The following GALNT13 variants were observed in gnomAD, a reference collection of about 807,000 sequenced individuals.
GALNT13 encodes UDP-GalNAc:polypeptide N-acetylgalactosaminyltransferase 13.
A neutral mutation model predicts 64.2 loss-of-function variants in GALNT13; 28 were observed. That is an observed-to-expected ratio of 0.44 (90% confidence interval 0.32 to 0.60). The LOEUF (loss-of-function observed/expected upper bound fraction) is 0.60, where lower values mean the gene tolerates loss of function less well. GALNT13 is among the 20% of genes least tolerant of loss of function. The probability of loss-of-function intolerance (pLI) is 0.05; values close to 1 mark genes in which losing one functional copy is unlikely to be tolerated. For synonymous variants in GALNT13, 214 were observed against 224.6 expected (o/e 0.95, Z 0.42); for missense variants, 577 against 669.8 (o/e 0.86, Z 1.53).
chr2:153,650,781 T>C, the GALNT13 span, among the ~76,000 whole-genome samples: 1 of 152,090 alleles, frequency 6.6e-6, no homozygotes, highest in African/African-American at 2.4e-5. Flanking sequence ...GTTTGGAGTG[T>C]CCCTCCAGCA....
chr2:153,419,283 A>G, the GALNT13 span, among the ~76,000 whole-genome samples: 2 of 152,306 alleles, frequency 1.3e-5, no homozygotes, highest in South Asian at 4.1e-4. Flanking sequence ...ATGAGAACAG[A>G]TGAGGGAAAC....
chr2:153,960,576 T>C (rs1192271037), intron 3 of GALNT13, among the ~76,000 whole-genome samples: 1 of 152,080 alleles, frequency 6.6e-6, no homozygotes, highest in Non-Finnish European at 1.5e-5. Flanking sequence ...GAAGGGGTGG[T>C]TTATTCAGGG....
the GALNT13 span, among the ~76,000 whole-genome samples, chr2:153,381,169 A>T: frequency 6.6e-6 from 1 of 151,716 alleles, no homozygotes; most frequent in Non-Finnish European, 1.5e-5. Flanking sequence ...CTGGTGTCAA[A>T]CTCCTGGGCT....
intron 8 of GALNT13, among the ~76,000 whole-genome samples, chr2:154,264,466 C>CAAAAAAAAAA (rs3078698): frequency 8.1e-6 from 1 of 123,478 alleles, no homozygotes; most frequent in African/African-American, 3.1e-5. Flanking sequence ...ACTAAAAATA[C>CAAAAAAAAAA]AAAAAAAAAA....
At chr2:153,108,426 T>C in the GALNT13 span, among the ~76,000 whole-genome samples, 1 of 152,092 alleles carries the variant, frequency 6.6e-6, no homozygotes, top group African/African-American at 2.4e-5. Context: ...TCTTTCTACC[T>C]CAAACATTAC....
At chr2:153,145,627 A>G in the GALNT13 span, among the ~76,000 whole-genome samples, 1 of 151,896 alleles carries the variant, frequency 6.6e-6, no homozygotes, top group Admixed American at 6.6e-5. Flanking sequence ...CACCTGGCAG[A>G]GATGGATTAG....
Position 154,450,704 on chromosome 2 carries a change from T to A in GALNT13, c.*153T>A. On this transcript the variant is annotated 3_prime_UTR_variant, in exon 13 of 13. Coordinates refer to ENST00000392825, the MANE Select transcript of GALNT13 (RefSeq NM_052917.4). ...TTTCTAATTCGTTTCTAGAAATGTT[T>A]GCTTATTTCCCTACTAAAATTTGTA... 5.8e-6 allele frequency: 4 copies of A among 691,746 alleles called. No homozygotes were observed. In the South Asian group the frequency reaches 1.0e-4, roughly 18 times the overall value. The allele number at this position is 691,746 out of a possible 1,614,324, so 42.9% of individuals were successfully genotyped here. A position where few individuals can be genotyped will look rare whatever the true frequency, so the allele number is the denominator to read the frequency against.
At chr2:153,122,918 TAC>T in the GALNT13 span, among the ~76,000 whole-genome samples, 1 of 152,076 alleles carries the variant, frequency 6.6e-6, no homozygotes, top group Non-Finnish European at 1.5e-5. Flanking sequence ...AATAAGGTTA[TAC>T]TAGATTAGAG....
Position 154,242,722 on chromosome 2 carries a change from A to G in GALNT13, c.503A>G (p.Asn168Ser). The G allele has an allele frequency of 6.2e-7, 1 of 1,612,540 alleles. No individual in the cohort carries two copies. Among genetic ancestry groups the G allele is most frequent in the South Asian group, 1.1e-5 (1 of 91,048 alleles). The change falls in exon 6 of 13, where the codon AAT becomes AGT. Residue 168 changes from asparagine (N) to serine (S), a missense_variant. Coordinates refer to ENST00000392825, the MANE Select transcript of GALNT13 (RefSeq NM_052917.4). Reference protein sequence around the residue: ...ERDFLKLTLENYVKNLEVPVK... With the variant: ...ERDFLKLTLESYVKNLEVPVK... ...GATTTTCTCAAGTTGACATTAGAGA[A>G]TTACGTGAAAAATTTAGAAGTGCCA...
the GALNT13 span, among the ~76,000 whole-genome samples, chr2:153,684,307 G>C: frequency 5.7e-4 from 86 of 151,478 alleles, no homozygotes; most frequent in African/African-American, 2.0e-3. Flanking sequence ...AGTTTTCTGG[G>C]TTACTGTGTC....
intron 9 of GALNT13, among the ~76,000 whole-genome samples, chr2:154,370,963 T>C (rs538972150): frequency 6.6e-6 from 1 of 152,014 alleles, no homozygotes; most frequent in South Asian, 2.1e-4. Context: ...AAGATGGCTA[T>C]AAAGTTAGAA....
At chr2:153,469,931 T>C in the GALNT13 span, among the ~76,000 whole-genome samples, 1 of 152,050 alleles carries the variant, frequency 6.6e-6, no homozygotes, top group African/African-American at 2.4e-5. Flanking sequence ...GTGGTGGCAA[T>C]ACCTGCCCCA....
chr2:154,166,342 T>G (rs927077272), intron 4 of GALNT13, among the ~76,000 whole-genome samples: 11 of 152,068 alleles, frequency 7.2e-5, no homozygotes, highest in Non-Finnish European at 1.2e-4. Flanking sequence ...GAGGCAGAGG[T>G]TGCAATGAGC....
At chr2:153,842,861 A>C in the GALNT13 span, among the ~76,000 whole-genome samples, 1 of 152,200 alleles carries the variant, frequency 6.6e-6, no homozygotes, top group Non-Finnish European at 1.5e-5. Context: ...AGCATATCTG[A>C]CAAGATTCCA....
At chr2:153,753,576 T>C in the GALNT13 span, among the ~76,000 whole-genome samples, 1 of 152,210 alleles carries the variant, frequency 6.6e-6, no homozygotes, top group African/African-American at 2.4e-5. Context: ...TTTCTTCCCT[T>C]AGTTTCTCTC....
At chr2:154,070,236 G>A (rs1307446196) in intron 3 of GALNT13, among the ~76,000 whole-genome samples, 1 of 152,064 alleles carries the variant, frequency 6.6e-6, no homozygotes, top group Non-Finnish European at 1.5e-5. Context: ...GCCAGGGAAA[G>A]AAAGAAATGG....
At chr2:154,391,896 C>G (rs906100820) in intron 9 of GALNT13, among the ~76,000 whole-genome samples, 4 of 151,872 alleles carry the variant, frequency 2.6e-5, no homozygotes, top group Non-Finnish European at 5.9e-5. Flanking sequence ...TAAAGACAGA[C>G]CTAGGAAGAT....
At chr2:154,406,560 A>G (rs780565960) in intron 10 of GALNT13, among the ~76,000 whole-genome samples, 3 of 152,116 alleles carry the variant, frequency 2.0e-5, no homozygotes, top group Non-Finnish European at 1.5e-5. Context: ...ATGTCCTTCC[A>G]TAGATGAAAA....
At chr2:153,830,509 G>C in the GALNT13 span, among the ~76,000 whole-genome samples, 1 of 152,064 alleles carries the variant, frequency 6.6e-6, no homozygotes, top group African/African-American at 2.4e-5. Flanking sequence ...CCAGTATTAA[G>C]TAGTATTGCC....
Sources: gnomAD v4.1 joint callset for allele counts (sites outside exome capture counted in the v4.1 genomes callset) on GRCh38, gnomAD v4.1.1 for gene constraint, MANE v1.5 for transcripts, NCBI Gene and HGNC (gene_info 2026-07-23, HGNC 2026-07-21) for gene names.